The following SAE1 variants were observed in gnomAD, a reference collection of about 807,000 sequenced individuals.
The protein encoded by SAE1 is SUMO1 activating enzyme subunit 1.
Under a neutral mutation model 40.6 loss-of-function variants are expected in SAE1, and 11 were observed. The ratio of observed to expected loss-of-function variants is 0.27; its 90% CI spans 0.17 to 0.45. The LOEUF (loss-of-function observed/expected upper bound fraction) is 0.45. Among genes scored for constraint, SAE1 ranks in the 20% least tolerant of loss-of-function variants. SAE1 has a pLI of 1.00. For missense variants in SAE1, 373 were observed against 427.3 expected (o/e 0.87, Z 1.12); for synonymous variants, 155 against 154.3 (o/e 1.00, Z -0.03).
In SAE1 at chr19:47,143,528, A is replaced by G; in HGVS notation, c.133A>G (p.Lys45Glu). The G allele has an allele frequency of 1.2e-6, 2 of 1,614,014 alleles. No individual in the cohort carries two copies. The highest frequency in any genetic ancestry group is 1.7e-6 in the Non-Finnish European group (2 of 1,179,998). Residue 45 changes from lysine to glutamate, a missense_variant, in exon 2 of 9, where the codon AAA (lysine) becomes GAA (glutamate). By Grantham distance (56) the Lys-to-Glu change is moderately conservative. This residue lies in a region of SAE1 where 351 missense variants were observed against 390.6 expected (regional missense o/e 0.90). Transcript: ENST00000270225. ...RASRVLLVGL[K>E]GLGAEIAKNL... ...CTCTCGGGTGCTTCTTGTCGGCTTGAAAGGACTTGGGGCTGAAATTGCCAA... is the reference window on the plus strand; with the variant it reads ...CTCTCGGGTGCTTCTTGTCGGCTTGGAAGGACTTGGGGCTGAAATTGCCAA...
chr19:47,141,380 G>T (rs1053008019), intron 1 of SAE1, among the ~76,000 whole-genome samples: 2 of 152,064 alleles, frequency 1.3e-5, no homozygotes, highest in East Asian at 1.9e-4. Flanking sequence ...GACCTCAGGT[G>T]ATCCACCCAT....
At chr19:47,147,761 A>ATT (rs1261804439) in intron 2 of SAE1, among the ~76,000 whole-genome samples, 5 of 113,682 alleles carry the variant, frequency 4.4e-5, no homozygotes, top group South Asian at 2.7e-4. Flanking sequence ...CCTCAACTGT[A>ATT]TTTTTTTTTT....
intron 5 of SAE1, among the ~76,000 whole-genome samples, chr19:47,168,123 A>G (rs151221774): frequency 0.017 from 2,526 of 152,126 alleles, 60 homozygotes; most frequent in African/African-American, 0.058. Context: ...AACCCAGGAC[A>G]CGGAGGTTGC....
At chr19:47,143,372 TG>T in intron 1 of SAE1, 121 bp from the exon 2 acceptor site, 1 of 701,546 alleles carries the variant, frequency 1.4e-6, no homozygotes, top group Non-Finnish European at 2.5e-6. Flanking sequence ...CCTAAAGTGC[TG>T]GGATTACAGG....
At chr19:47,157,484 GC>G (rs1403017530) in intron 5 of SAE1, among the ~76,000 whole-genome samples, 1 of 152,316 alleles carries the variant, frequency 6.6e-6, no homozygotes, top group African/African-American at 2.4e-5. Context: ...TCTGATTGAG[GC>G]AGGTCTTTCA....
intron 6 of SAE1, among the ~76,000 whole-genome samples, chr19:47,191,887 A>C (rs950040426): frequency 6.6e-5 from 10 of 151,812 alleles, no homozygotes; most frequent in South Asian, 2.1e-4. Context: ...AACCCCGTCT[A>C]TACTAAAAAT....
intron 5 of SAE1, among the ~76,000 whole-genome samples, chr19:47,161,931 T>C (rs2058361916): frequency 6.6e-6 from 1 of 152,212 alleles, no homozygotes; most frequent in South Asian, 2.1e-4. Context: ...TTATATGTTG[T>C]TCTAGGGCTT....
chr19:47,186,233 C>CT lies in SAE1; in HGVS notation c.734-10999dup, dbSNP rs537087389. On this transcript the variant is annotated intron_variant, in intron 6 of 8. Coordinates refer to ENST00000270225, the MANE Select transcript of SAE1 (RefSeq NM_005500.3). ...CCAGCCTGGGCAACAGAGAGAGACT[C>CT]TGTCTCAAAAATAAAAATAAAAAAA... 2.9e-3 allele frequency among the ~76,000 whole-genome samples: 435 copies of CT among 150,012 alleles called. 1 individual carries two copies. Among genetic ancestry groups the CT allele is most frequent in the Middle Eastern group, 0.021 (6 of 290 alleles).
At position 47,162,852 on chromosome 19, in the gene SAE1, C is replaced by T. The variant is rs148290933; in HGVS notation, c.628-6966C>T. Among the ~76,000 whole-genome samples, 77 of 152,080 alleles carry T rather than the reference C, an allele frequency of 5.1e-4. 1 individual carries two copies. Among genetic ancestry groups the T allele is most frequent in the African/African-American group, 1.7e-3 (69 of 41,464 alleles). On this transcript the variant is annotated intron_variant, in intron 5 of 8. Coordinates refer to ENST00000270225, the MANE Select transcript of SAE1 (RefSeq NM_005500.3). Reference sequence around the variant, plus strand: ...ACCAAAAATACAAAAATTAGCTGGGCGTGGTAGCACGTGCCAGTGGTCTCA... The same window carrying T: ...ACCAAAAATACAAAAATTAGCTGGGTGTGGTAGCACGTGCCAGTGGTCTCA...
intron 6 of SAE1, among the ~76,000 whole-genome samples, chr19:47,174,080 A>G (rs1205686237): frequency 6.6e-6 from 1 of 151,908 alleles, no homozygotes; most frequent in African/African-American, 2.4e-5. Flanking sequence ...CACTTCGCCC[A>G]GCCTGTTTAC....
Position 47,209,500 on chromosome 19 carries a change from C to A in SAE1, c.*249C>A, listed in dbSNP as rs2058702878. ...AGGCTGCCTGTCATCCCGGGCCTGC[C>A]AGCTCCCCTGAGTGATGAGCACTTC... On this transcript the variant is annotated 3_prime_UTR_variant, in exon 9 of 9. Transcript: ENST00000270225. 5.0e-6 allele frequency: 3 copies of A among 604,568 alleles called. No individual in the cohort carries two copies. The South Asian group carries it at 6.3e-5, about 13-fold the overall frequency. The allele number at this position is 604,568 out of a possible 1,614,324, so 37.5% of individuals were successfully genotyped here.
At chr19:47,160,258 A>G (rs930574931) in intron 5 of SAE1, among the ~76,000 whole-genome samples, 20 of 115,920 alleles carry the variant, frequency 1.7e-4, no homozygotes, top group Admixed American at 4.0e-4. Flanking sequence ...GTCTCACTCT[A>G]TCACCCAAGC....
intron 1 of SAE1, among the ~76,000 whole-genome samples, chr19:47,138,871 A>G (rs945573552): frequency 1.3e-5 from 2 of 152,204 alleles, no homozygotes; most frequent in East Asian, 3.8e-4. Context: ...AACAAGTAGC[A>G]TAATTCGAGA....
intron 1 of SAE1, among the ~76,000 whole-genome samples, chr19:47,143,293 C>T (rs918685059): frequency 4.6e-5 from 7 of 152,026 alleles, no homozygotes; most frequent in Admixed American, 3.9e-4. Flanking sequence ...TTAGTAGAGA[C>T]GGGGTTTCAC....
intron 6 of SAE1, among the ~76,000 whole-genome samples, chr19:47,188,210 G>A (rs114696011): frequency 6.6e-6 from 1 of 152,026 alleles, no homozygotes; most frequent in African/African-American, 2.4e-5. Flanking sequence ...GAACCACCAG[G>A]CATGGTGGTG....
intron 5 of SAE1, among the ~76,000 whole-genome samples, chr19:47,166,600 A>T (rs2058393851): frequency 6.6e-6 from 1 of 152,148 alleles, no homozygotes; most frequent in South Asian, 2.1e-4. Flanking sequence ...CTAACATATT[A>T]GTTGGTTCGT....
rs182382899 is a variant in SAE1, at chr19:47,200,080, G to A, written c.878+2703G>A. 8.1e-3 allele frequency among the ~76,000 whole-genome samples: 1,232 copies of A among 151,990 alleles called. 19 individuals carry two copies. The highest frequency in any genetic ancestry group is 0.027 in the African/African-American group (1,132 of 41,466). The stretch of plus-strand genomic sequence containing the variant: ...CCAGTAGCTGGGATAACAGGCGCCC[G>A]CCACCACGCCCAGCTAATTTTTTTT... On this transcript the variant is annotated intron_variant, in intron 7 of 8. Transcript: ENST00000270225.
chr19:47,205,417 G>A (rs1044434400), intron 8 of SAE1, among the ~76,000 whole-genome samples: 18 of 150,854 alleles, frequency 1.2e-4, no homozygotes, highest in African/African-American at 3.7e-4. Context: ...AATGGGCACC[G>A]AGGAGATATT....
intron 6 of SAE1, among the ~76,000 whole-genome samples, chr19:47,191,959 C>A (rs1037164381): frequency 2.6e-5 from 4 of 151,026 alleles, no homozygotes; most frequent in Admixed American, 2.6e-4. Context: ...GAGGCTGAGG[C>A]AGGAGAATGG....
Sources: gnomAD v4.1 joint callset for allele counts (sites outside exome capture counted in the v4.1 genomes callset) on GRCh38, gnomAD v4.1.1 for gene constraint, gnomAD v4.1.1 regional missense constraint, MANE v1.5 for transcripts, NCBI Gene and HGNC (gene_info 2026-07-23, HGNC 2026-07-21) for gene names.